TTC28: variants seen among roughly 807,000 people sequenced by gnomAD.
TTC28 encodes tetratricopeptide repeat protein 28.
Under a neutral mutation model 198.0 loss-of-function variants are expected in TTC28, and 61 were observed. That is an observed-to-expected ratio of 0.31 (90% CI 0.25 to 0.38). TTC28 has a LOEUF of 0.38. TTC28 is among the 10% of genes least tolerant of loss of function. The pLI is 1.00. For missense variants in TTC28, 2,678 were observed against 3,164.0 expected (o/e 0.85, Z 3.69); for synonymous variants, 1,171 against 1,297.8 (o/e 0.90, Z 2.10).
intron 2 of TTC28, among the ~76,000 whole-genome samples, chr22:28,506,382 G>A (rs1009119506): frequency 6.6e-6 from 1 of 152,032 alleles, no homozygotes; most frequent in South Asian, 2.1e-4. Context: ...ACTCCAGCAA[G>A]GGTTCTACAG....
chr22:28,354,102 C>T (rs2046039764), intron 2 of TTC28, among the ~76,000 whole-genome samples: 1 of 152,154 alleles, frequency 6.6e-6, no homozygotes, highest in South Asian at 2.1e-4. Flanking sequence ...AGTGGTGCAG[C>T]TGCTGTGGAA....
chr22:28,251,882 TACAA>T (rs1041482845), intron 5 of TTC28, among the ~76,000 whole-genome samples: 1 of 152,210 alleles, frequency 6.6e-6, no homozygotes, highest in African/African-American at 2.4e-5. Context: ...TATACAGGAC[TACAA>T]ACATTTATCC....
chr22:28,358,363 T>C (rs2046109095), intron 2 of TTC28, among the ~76,000 whole-genome samples: 1 of 152,206 alleles, frequency 6.6e-6, no homozygotes, highest in Non-Finnish European at 1.5e-5. Flanking sequence ...ACAGGCTCTA[T>C]TACTAGCTCT....
chr22:28,193,675 T>G (rs922079354), intron 5 of TTC28, among the ~76,000 whole-genome samples: 1 of 151,916 alleles, frequency 6.6e-6, no homozygotes, highest in Admixed American at 6.6e-5. Context: ...CAACAAAGAT[T>G]GAAAGACACA....
intron 6 of TTC28, among the ~76,000 whole-genome samples, chr22:28,148,826 T>C (rs2147009372): frequency 6.6e-6 from 1 of 152,272 alleles, no homozygotes; most frequent in African/African-American, 2.4e-5. Context: ...GCAGGAATGA[T>C]ATCTAGACTT....
chr22:28,636,509 T>C (rs1310048251), intron 1 of TTC28, among the ~76,000 whole-genome samples: 2 of 152,178 alleles, frequency 1.3e-5, no homozygotes, highest in South Asian at 2.1e-4. Flanking sequence ...ATCTTGGTCA[T>C]TGTGAATAAT....
chr22:28,071,733 TA>T (rs368033113), intron 12 of TTC28, among the ~76,000 whole-genome samples: 1,766 of 51,964 alleles, frequency 0.034, 36 homozygotes, highest in African/African-American at 0.095. Flanking sequence ...TAAAGTATAA[TA>T]AAAAAAAAAA....
chr22:28,589,322 T>C (rs1440150400), intron 2 of TTC28, among the ~76,000 whole-genome samples: 1 of 152,192 alleles, frequency 6.6e-6, no homozygotes. Context: ...CATGTTTAAG[T>C]TCCACATCGC....
intron 2 of TTC28, among the ~76,000 whole-genome samples, chr22:28,380,552 T>C (rs2046478892): frequency 6.6e-6 from 1 of 152,140 alleles, no homozygotes; most frequent in African/African-American, 2.4e-5. Context: ...GGGTACAAAA[T>C]CCAGTCTCTT....
chr22:28,611,778 G>A (rs886730757), intron 2 of TTC28, among the ~76,000 whole-genome samples: 150 of 150,594 alleles, frequency 1.0e-3, no homozygotes, highest in Non-Finnish European at 3.8e-4. Flanking sequence ...TTGTTCTTGC[G>A]ATAGTTTACT....
chr22:28,292,697 C>A (rs1415761187), intron 5 of TTC28, among the ~76,000 whole-genome samples: 1 of 152,220 alleles, frequency 6.6e-6, no homozygotes, highest in African/African-American at 2.4e-5. Flanking sequence ...CACAAAGCTT[C>A]CTCAAGTTTA....
chr22:27,988,444 T>G (rs946976017), intron 21 of TTC28, among the ~76,000 whole-genome samples: 2 of 152,012 alleles, frequency 1.3e-5, no homozygotes, highest in Admixed American at 1.3e-4. Context: ...TGCGCCTCCA[T>G]GCCTGGCTAA....
intron 1 of TTC28, among the ~76,000 whole-genome samples, chr22:28,644,745 C>A (rs1193347728): frequency 6.6e-6 from 1 of 151,806 alleles, no homozygotes; most frequent in Non-Finnish European, 1.5e-5. Context: ...ATTGCCTGAG[C>A]CCAGGAGGTC....
chr22:28,168,255 T>C (rs1922252517), intron 5 of TTC28, among the ~76,000 whole-genome samples: 3 of 152,264 alleles, frequency 2.0e-5, no homozygotes, highest in Non-Finnish European at 4.4e-5. Context: ...CCCAAGGTAA[T>C]TTATAGATTC....
chr22:28,332,153 G>A (rs1172920821), intron 2 of TTC28, among the ~76,000 whole-genome samples: 1 of 151,886 alleles, frequency 6.6e-6, no homozygotes, highest in African/African-American at 2.4e-5. Context: ...AATCCCAAAT[G>A]CTTAAAAACT....
At chr22:28,287,629 G>T (rs139962522) in intron 5 of TTC28, among the ~76,000 whole-genome samples, 4 of 152,242 alleles carry the variant, frequency 2.6e-5, no homozygotes, top group Non-Finnish European at 5.9e-5. Flanking sequence ...AAGGCCAGTA[G>T]ACTTGCATAA....
chr22:28,285,766 C>T (rs114912343), intron 5 of TTC28, among the ~76,000 whole-genome samples: 93 of 152,188 alleles, frequency 6.1e-4, no homozygotes, highest in African/African-American at 2.2e-3. Context: ...ACCTGTTGAC[C>T]TAGCAATCCC....
At chr22:28,482,919 T>C (rs1388513844) in intron 2 of TTC28, among the ~76,000 whole-genome samples, 1 of 152,246 alleles carries the variant, frequency 6.6e-6, no homozygotes, top group Non-Finnish European at 1.5e-5. Flanking sequence ...TTCCTTTTTA[T>C]GGCTGAAAAT....
chr22:28,241,315 TA>T (rs34002731), intron 5 of TTC28, among the ~76,000 whole-genome samples: 1 of 152,124 alleles, frequency 6.6e-6, no homozygotes, highest in African/African-American at 2.4e-5. Context: ...CCTGTATTCT[TA>T]AAAAGTGTCA....
Sources: allele counts gnomAD v4.1 joint callset (sites outside exome capture counted in the v4.1 genomes callset), GRCh38; gene constraint gnomAD v4.1.1; transcripts MANE v1.5; gene names NCBI Gene and HGNC (gene_info 2026-07-23, HGNC 2026-07-21).